The following SNX24 variants were observed in gnomAD, a reference collection of about 807,000 sequenced individuals.
SNX24 encodes sorting nexin-24.
SNX24 carries 22 observed loss-of-function variants against 28.7 expected under a neutral mutation model. That is an observed-to-expected ratio of 0.77 (90% CI 0.55 to 1.10). The LOEUF is 1.10. SNX24 is among the 50% of genes least tolerant of loss of function. The pLI is 0.00. For missense variants in SNX24, 221 were observed against 201.1 expected (o/e 1.10, Z -0.60); for synonymous variants, 69 against 71.5 (o/e 0.96, Z 0.18).
chr5:122,850,235 AT>A (rs1212834335), intron 1 of SNX24, among the ~76,000 whole-genome samples: 2 of 152,194 alleles, frequency 1.3e-5, no homozygotes, highest in African/African-American at 4.8e-5. Context: ...GTGCTAGCAG[AT>A]TCAGTGTCTA....
chr5:122,866,449 A>G (rs1312978017), intron 1 of SNX24, among the ~76,000 whole-genome samples: 1 of 152,168 alleles, frequency 6.6e-6, no homozygotes, highest in Non-Finnish European at 1.5e-5. Context: ...ACGCCCTGCC[A>G]TAACTGGTAT....
At chr5:122,873,313 GCTT>G (rs1756068826) in intron 1 of SNX24, among the ~76,000 whole-genome samples, 1 of 152,180 alleles carries the variant, frequency 6.6e-6, no homozygotes, top group African/African-American at 2.4e-5. Context: ...GTCAGGGTTT[GCTT>G]CTTCTGTGAG....
At chr5:123,023,751 G>GAAA in intron 5 of SNX24, 1 of 1,364,116 alleles carries the variant, frequency 7.3e-7, no homozygotes, top group Non-Finnish European at 9.6e-7. Context: ...CTGTGATCTG[G>GAAA]GATAGAATAC....
chr5:122,947,977 A>T lies in SNX24; in HGVS notation c.249+1818A>T, dbSNP rs187665905. ...GGCACAGAGAGGAGTTTATAGTGAC[A>T]CTCAAATTGAGCTTAGAATTTTCTA... On this transcript the variant is annotated intron_variant, in intron 3 of 6. Coordinates refer to ENST00000261369, the MANE Select transcript of SNX24 (RefSeq NM_014035.4). 4.6e-5 allele frequency among the ~76,000 whole-genome samples: 7 copies of T among 152,274 alleles called. No homozygotes were observed. In the East Asian group the frequency reaches 1.4e-3, roughly 29 times the overall value.
At chr5:123,001,609 T>C (rs878915454) in intron 5 of SNX24, among the ~76,000 whole-genome samples, 172 bp downstream of exon 5, 2 of 152,180 alleles carry the variant, frequency 1.3e-5, no homozygotes, top group South Asian at 4.1e-4. Context: ...GAATTAAGAG[T>C]GGAGGAATAA....
intron 1 of SNX24, among the ~76,000 whole-genome samples, chr5:122,875,665 G>A (rs1581694975): frequency 6.6e-6 from 1 of 152,250 alleles, no homozygotes; most frequent in African/African-American, 2.4e-5. Context: ...ATTACTTTCA[G>A]TGGCAGAAAC....
At chr5:122,939,578 C>A (rs1473940016) in intron 2 of SNX24, among the ~76,000 whole-genome samples, 1 of 152,140 alleles carries the variant, frequency 6.6e-6, no homozygotes, top group East Asian at 1.9e-4. Context: ...TCTGTTTTTA[C>A]CCTTTCAGAT....
In SNX24 at chr5:122,858,257, A is replaced by G. The variant is rs573121422; in HGVS notation, c.60+12564A>G. ...ATAACAGATAAAATAATAATGGAAG[A>G]GTTTTTGAAATACTTGGAGAATTAC... On this transcript the variant is annotated intron_variant, in intron 1 of 6. Transcript: ENST00000261369. Among the ~76,000 whole-genome samples the G allele has an allele frequency of 2.5e-4, 38 of 152,372 alleles. No individual in the cohort carries two copies. In the South Asian group the frequency reaches 7.3e-3, roughly 29 times the overall value.
intron 1 of SNX24, among the ~76,000 whole-genome samples, chr5:122,848,200 T>C (rs541962540): frequency 3.3e-5 from 5 of 152,276 alleles, no homozygotes; most frequent in African/African-American, 4.8e-5. Context: ...ACTCTTGGGC[T>C]CAAGTGATCC....
At chr5:122,949,294 TATC>T (rs1422468167) in intron 3 of SNX24, among the ~76,000 whole-genome samples, 1 of 152,176 alleles carries the variant, frequency 6.6e-6, no homozygotes, top group Non-Finnish European at 1.5e-5. Context: ...AAAATAAACA[TATC>T]ATATTAGTCT....
intron 1 of SNX24, among the ~76,000 whole-genome samples, chr5:122,896,232 CAT>C (rs1170465601): frequency 5.3e-5 from 8 of 152,194 alleles, no homozygotes; most frequent in Non-Finnish European, 1.2e-4. Flanking sequence ...CTTTGGCACA[CAT>C]GTTGTAATTC....
At chr5:122,952,921 A>T (rs1253257535) in intron 3 of SNX24, among the ~76,000 whole-genome samples, 3 of 152,182 alleles carry the variant, frequency 2.0e-5, no homozygotes, top group Non-Finnish European at 4.4e-5. Context: ...GGACCAATCC[A>T]GGTCTAACAT....
chr5:122,881,713 T>A (rs902371243), intron 1 of SNX24, among the ~76,000 whole-genome samples: 1 of 150,232 alleles, frequency 6.7e-6, no homozygotes, highest in Non-Finnish European at 1.5e-5. Context: ...TATATATACA[T>A]AAAATTATAT....
At chr5:122,871,600 C>T (rs899796209) in intron 1 of SNX24, among the ~76,000 whole-genome samples, 4 of 152,064 alleles carry the variant, frequency 2.6e-5, no homozygotes, top group Non-Finnish European at 5.9e-5. Flanking sequence ...AAACCCCCGT[C>T]TCTACTAAAA....
chr5:122,886,113 T>C (rs1756700689), intron 1 of SNX24, among the ~76,000 whole-genome samples: 1 of 152,122 alleles, frequency 6.6e-6, no homozygotes, highest in South Asian at 2.1e-4. Flanking sequence ...GCCAGGAGTT[T>C]AGTGGTAGGT....
chr5:122,999,974 C>G lies in SNX24; in HGVS notation c.312C>G (p.His104Gln). The change falls in exon 4 of 7, where the codon CAC (histidine) becomes CAG (glutamine). Residue 104 changes from histidine (H) to glutamine (Q), a missense_variant. Transcript: ENST00000261369. ...TTCTTGATTTCCTAAATGTGCGACA[C>G]TTGCCCTCTCTACCAAAGGCAGAAA... ...KLFLDFLNVR[H>Q]LPSLPKAESC... The G allele has an allele frequency of 6.2e-7, 1 of 1,612,444 alleles. No individual in the cohort carries two copies. The highest frequency in any genetic ancestry group is 1.1e-5 in the South Asian group (1 of 91,042).
intron 1 of SNX24, among the ~76,000 whole-genome samples, chr5:122,930,992 A>G (rs1241397437): frequency 9.9e-5 from 15 of 152,248 alleles, no homozygotes. Context: ...ATGTGCTTCA[A>G]GTCCCAGTTT....
chr5:123,001,367 G>A (rs746328343), intron 4 of SNX24, 38 bp from the exon 5 acceptor site: 1 of 1,423,496 alleles, frequency 7.0e-7, no homozygotes, highest in Non-Finnish European at 9.9e-7. Flanking sequence ...CTCAACATAT[G>A]TGGTTTTTTT....
intron 1 of SNX24, among the ~76,000 whole-genome samples, chr5:122,925,255 C>G (rs911991436): frequency 1.2e-5 from 1 of 84,448 alleles, no homozygotes; most frequent in African/African-American, 4.5e-5. Flanking sequence ...CCTCCTCCTC[C>G]TTCCTTCCCC....
Sources: allele counts gnomAD v4.1 joint callset (sites outside exome capture counted in the v4.1 genomes callset), GRCh38; gene constraint gnomAD v4.1.1; transcripts MANE v1.5; gene names NCBI Gene and HGNC (gene_info 2026-07-23, HGNC 2026-07-21).